Variants in SH3RF2 observed in about 807,000 individuals in gnomAD.
SH3RF2 encodes SH3 domain containing ring finger 2.
In SH3RF2, 43 loss-of-function variants were observed where a neutral mutation model predicts 59.0. That is an observed-to-expected ratio of 0.73 (90% CI 0.57 to 0.94). SH3RF2 has a LOEUF of 0.94. SH3RF2 is among the 40% of genes least tolerant of loss of function. The pLI is 0.00. For missense variants in SH3RF2, 930 were observed against 940.1 expected (o/e 0.99, Z 0.14); for synonymous variants, 391 against 391.5 (o/e 1.00, Z 0.01).
intron 2 of SH3RF2, among the ~76,000 whole-genome samples, chr5:145,996,269 G>A (rs1045875156): frequency 6.6e-6 from 1 of 152,146 alleles, no homozygotes; most frequent in South Asian, 2.1e-4. Context: ...ATTATGAACA[G>A]CAAGACTGCT....
At chr5:145,974,154 C>T (rs1395228569) in intron 2 of SH3RF2, among the ~76,000 whole-genome samples, 1 of 152,188 alleles carries the variant, frequency 6.6e-6, no homozygotes, top group Admixed American at 6.5e-5. Flanking sequence ...CTGCTGTTGG[C>T]TGGAAGCTTC....
At chr5:145,963,674 A>G (rs1003858822) in intron 2 of SH3RF2, among the ~76,000 whole-genome samples, 34 of 152,144 alleles carry the variant, frequency 2.2e-4, no homozygotes, top group African/African-American at 8.2e-4. Flanking sequence ...AATTCCTCCC[A>G]TCATCATTTA....
chr5:145,979,052 T>A (rs569607726), intron 2 of SH3RF2, among the ~76,000 whole-genome samples: 1 of 152,344 alleles, frequency 6.6e-6, no homozygotes, highest in African/African-American at 2.4e-5. Flanking sequence ...AGAATCTAAA[T>A]TCTGTTGGAA....
downstream of SH3RF2, among the ~76,000 whole-genome samples, chr5:146,064,763 G>GAAGGAAGGAAGGAAGGAAGGA (rs1763036151): frequency 8.5e-5 from 1 of 11,766 alleles, no homozygotes. Context: ...AGGAAGGAAG[G>GAAGGAAGGAAGGAAGGAAGGA]AAGGAAGGAA....
rs35937996 is a variant in SH3RF2, at chr5:146,049,102, C to A, written c.1179C>A (p.Ala393=). 5,257 of 1,614,078 alleles carry A rather than the reference C, an allele frequency of 3.3e-3. 129 individuals are homozygous for A. In the African/African-American group the frequency reaches 0.052, roughly 16 times the overall value. Reference sequence around the variant, plus strand: ...TTGTAGCCCTGCACTCCTACTCAGCCCATGGACCCGATGAGCTGGACCTGC... The same window carrying A: ...TTGTAGCCCTGCACTCCTACTCAGCACATGGACCCGATGAGCTGGACCTGC... ...NMFVALHSYS[A]HGPDELDLQK... Residue 393 remains alanine, a synonymous_variant, in exon 7 of 10, where the codon GCC becomes GCA. Coordinates refer to ENST00000359120, the MANE Select transcript of SH3RF2 (RefSeq NM_152550.4).
chr5:146,002,637 G>A (rs978716161), intron 3 of SH3RF2, among the ~76,000 whole-genome samples: 8 of 152,126 alleles, frequency 5.3e-5, no homozygotes, highest in African/African-American at 1.7e-4. Flanking sequence ...GAAACGGGCC[G>A]CACAGCAGGA....
chr5:145,943,907 T>C (rs1250351831), intron 2 of SH3RF2, among the ~76,000 whole-genome samples: 4 of 152,170 alleles, frequency 2.6e-5, no homozygotes, highest in African/African-American at 4.8e-5. Context: ...TATTTTTGTG[T>C]TGTTTCATTT....
rs58826823 is a variant in SH3RF2, at chr5:146,057,928, G to GTCTCTCTC, written c.1555+1749_1555+1756dup. Among the ~76,000 whole-genome samples, 422 of 133,190 alleles carry GTCTCTCTC rather than the reference G, an allele frequency of 3.2e-3. 1 individual carries two copies. The highest frequency in any genetic ancestry group is 8.3e-3 in the South Asian group (33 of 3,972). The allele number at this position is 133,190 out of a possible 152,430, so 87.4% of individuals were successfully genotyped here. ...CTGTACTCCAGTCTGGGCTGTTAGTGTCTCTCTCTCTCTCTCTCTCTCTCT... is the reference window on the plus strand; with the variant it reads ...CTGTACTCCAGTCTGGGCTGTTAGTGTCTCTCTCTCTCTCTCTCTCTCTCTCTCTCTCT... On this transcript the variant is annotated intron_variant, in intron 8 of 9. Transcript: ENST00000359120.
At chr5:145,980,813 G>T (rs1039682824) in intron 2 of SH3RF2, among the ~76,000 whole-genome samples, 24 of 152,038 alleles carry the variant, frequency 1.6e-4, no homozygotes, top group Non-Finnish European at 2.4e-4. Context: ...TAAAAATAGA[G>T]AAAATAATAA....
intron 2 of SH3RF2, among the ~76,000 whole-genome samples, chr5:145,956,678 A>G (rs1023841459): frequency 6.6e-6 from 1 of 152,218 alleles, no homozygotes; most frequent in Non-Finnish European, 1.5e-5. Context: ...AATTAAAAGG[A>G]AAGAAGTGAT....
intron 7 of SH3RF2, among the ~76,000 whole-genome samples, chr5:146,054,400 C>T (rs1182178494): frequency 6.6e-6 from 1 of 152,220 alleles, no homozygotes; most frequent in African/African-American, 2.4e-5. Context: ...TGAAATTTGT[C>T]TTTCCTGTTG....
intron 2 of SH3RF2, among the ~76,000 whole-genome samples, chr5:145,946,335 T>C (rs1216892812): frequency 2.6e-5 from 4 of 152,200 alleles, no homozygotes; most frequent in African/African-American, 7.2e-5. Context: ...ATCTTATCTC[T>C]GAATACTGTG....
chr5:145,943,062 G>T (rs1432767), intron 2 of SH3RF2, among the ~76,000 whole-genome samples: 36,373 of 151,242 alleles, frequency 0.24, 6,859 homozygotes, highest in African/African-American at 0.52. Flanking sequence ...AGATTAAAAT[G>T]ATATACATAT....
At chr5:146,065,443 C>A (rs1247616044), downstream of SH3RF2, among the ~76,000 whole-genome samples, 1 of 152,204 alleles carries the variant, frequency 6.6e-6, no homozygotes, top group African/African-American at 2.4e-5. Flanking sequence ...GCATGACTGG[C>A]CGACCAAATA....
chr5:146,029,852 A>G (rs11950760), intron 5 of SH3RF2, among the ~76,000 whole-genome samples: 44,218 of 152,056 alleles, frequency 0.29, 7,819 homozygotes, highest in Non-Finnish European at 0.38. Flanking sequence ...TCTTTCATCA[A>G]AGAAAAAAAC....
At chr5:146,075,778 TAAAAAA>T (rs56300547) in intron 9 of SH3RF2, among the ~76,000 whole-genome samples, 19,124 of 75,976 alleles carry the variant, frequency 0.25, 1,816 homozygotes, top group Admixed American at 0.37. Flanking sequence ...AAATTCCATG[TAAAAAA>T]AAAAAAAAAA....
Position 146,011,237 on chromosome 5 carries a change from A to G in SH3RF2, c.745-2510A>G, listed in dbSNP as rs939133589. On this transcript the variant is annotated intron_variant, in intron 4 of 9. Coordinates refer to ENST00000359120, the MANE Select transcript of SH3RF2 (RefSeq NM_152550.4). ...GGCCTCTGTTCTGTTCCATTGGTCTATATCTCTGTTTAGGTACCAGTACCA... is the reference window on the plus strand; with the variant it reads ...GGCCTCTGTTCTGTTCCATTGGTCTGTATCTCTGTTTAGGTACCAGTACCA... 8.4e-4 allele frequency among the ~76,000 whole-genome samples: 128 copies of G among 152,228 alleles called. 1 individual carries two copies. Among genetic ancestry groups the G allele is most frequent in the African/African-American group, 3.0e-3 (125 of 41,508 alleles).
chr5:145,972,740 T>C (rs1202899471), intron 2 of SH3RF2, among the ~76,000 whole-genome samples: 1 of 152,224 alleles, frequency 6.6e-6, no homozygotes, highest in Non-Finnish European at 1.5e-5. Context: ...ATAAATTATC[T>C]TTAATCCTAA....
chr5:146,007,288 G>A (rs1760683798), intron 4 of SH3RF2, among the ~76,000 whole-genome samples: 1 of 152,198 alleles, frequency 6.6e-6, no homozygotes, highest in South Asian at 2.1e-4. Context: ...AGATGACTGT[G>A]GATTCGACCC....
Sources: allele counts gnomAD v4.1 joint callset (sites outside exome capture counted in the v4.1 genomes callset), GRCh38; gene constraint gnomAD v4.1.1; transcripts MANE v1.5; gene names NCBI Gene and HGNC (gene_info 2026-07-23, HGNC 2026-07-21).